AGBL1: variants seen among roughly 807,000 people sequenced by gnomAD.
AGBL1 encodes the protein AGBL carboxypeptidase 1, also known as cytosolic carboxypeptidase 4.
A neutral mutation model predicts 118.9 loss-of-function variants in AGBL1; 130 were observed. The ratio of observed to expected loss-of-function variants is 1.09; its 90% CI spans 0.95 to 1.26. The LOEUF (loss-of-function observed/expected upper bound fraction) is 1.26. AGBL1 is among the 50% of genes most tolerant of loss of function. The pLI is 0.00. For synonymous variants in AGBL1, 555 were observed against 478.9 expected (o/e 1.16, Z -2.08); for missense variants, 1,584 against 1,298.1 (o/e 1.22, Z -3.38).
Position 86,909,390 on chromosome 15 carries a change from C to T in AGBL1, c.*2096C>T, listed in dbSNP as rs2080320784. 6.6e-6 allele frequency: 1 copy of T among 152,202 alleles called. No individual in the cohort carries two copies. The highest frequency in any genetic ancestry group is 2.4e-5 in the African/African-American group (1 of 41,444). 9.4% of individuals were successfully genotyped at this position (152,202 alleles called of 1,614,324 possible). A position where few individuals can be genotyped will look rare whatever the true frequency, so the allele number is the denominator to read the frequency against. On this transcript the variant is annotated 3_prime_UTR_variant, in exon 23 of 23. Transcript: ENST00000614907. Reference sequence around the variant, plus strand: ...TCTCAGATGACACTCATAGCACACACCTCTTGACCAGCAGAAAGCCACAGA... The same window carrying T: ...TCTCAGATGACACTCATAGCACACATCTCTTGACCAGCAGAAAGCCACAGA...
At chr15:86,442,824 G>C (rs2082080427) in intron 18 of AGBL1, among the ~76,000 whole-genome samples, 1 of 152,234 alleles carries the variant, frequency 6.6e-6, no homozygotes, top group South Asian at 2.1e-4. Context: ...ATGTGTTAGA[G>C]AAAGGTGAAG....
At chr15:86,138,348 C>A (rs2076917249) in intron 1 of AGBL1, 2 of 152,234 alleles carry the variant, frequency 1.3e-5, no homozygotes, top group Non-Finnish European at 2.9e-5. Flanking sequence ...TGAGAGGTTT[C>A]TCAAGAGTTA....
chr15:86,512,243 T>C (rs2083060629), intron 18 of AGBL1, among the ~76,000 whole-genome samples: 1 of 151,926 alleles, frequency 6.6e-6, no homozygotes. Flanking sequence ...AAATTGAAAA[T>C]GTCCATATCT....
chr15:86,430,489 C>CAA (rs556112771), intron 18 of AGBL1, among the ~76,000 whole-genome samples: 72 of 85,294 alleles, frequency 8.4e-4, no homozygotes, highest in Admixed American at 1.5e-3. Flanking sequence ...AGCGCCGTCG[C>CAA]AAAAAAAAAA....
chr15:86,262,844 G>C lies in AGBL1; in HGVS notation c.1036G>C (p.Glu346Gln). ...SKPGLDRPEE[E>Q]LMQYEVMCLE... The stretch of plus-strand genomic sequence containing the variant: ...ACCTGGTCTTGACCGACCTGAAGAG[G>C]AACTGATGCAATATGAGGTGATGTG... Residue 346 changes from glutamate (E) to glutamine (Q), a missense_variant, in exon 10 of 23, where the codon GAA becomes CAA. Transcript: ENST00000614907. 1 of 1,611,218 alleles carries C rather than the reference G, an allele frequency of 6.2e-7. No individual in the cohort carries two copies. Among genetic ancestry groups the C allele is most frequent in the Non-Finnish European group, 8.5e-7 (1 of 1,178,848 alleles).
intron 20 of AGBL1, among the ~76,000 whole-genome samples, chr15:86,547,887 G>T (rs949528390): frequency 3.9e-5 from 6 of 152,126 alleles, no homozygotes; most frequent in Non-Finnish European, 8.8e-5. Context: ...ATATGTGGAG[G>T]TAGTGAAGTG....
At chr15:86,935,017 AC>A (rs1198666261) in intron 23 of AGBL1, 2 of 152,180 alleles carry the variant, frequency 1.3e-5, no homozygotes, top group African/African-American at 4.8e-5. Context: ...AAATGTAAAA[AC>A]TATAAAATAA....
chr15:86,779,485 G>A (rs549819059), intron 22 of AGBL1, among the ~76,000 whole-genome samples: 2 of 152,218 alleles, frequency 1.3e-5, no homozygotes, highest in South Asian at 2.1e-4. Flanking sequence ...TTTCTAGTGG[G>A]GGACCATTAT....
downstream of AGBL1, among the ~76,000 whole-genome samples, chr15:86,916,321 A>G (rs1051548832): frequency 3.3e-5 from 5 of 152,222 alleles, no homozygotes; most frequent in Admixed American, 2.6e-4. Flanking sequence ...ACCAGCTCAC[A>G]GCAATTTTTT....
chr15:86,909,916 C>T lies in AGBL1; in HGVS notation c.*2622C>T, dbSNP rs1422055928. ...TGGCATGTTCAGAAAAAGCCAGGAACATGAAGTATTTGTTGATCCATCTAT... is the reference window on the plus strand; with the variant it reads ...TGGCATGTTCAGAAAAAGCCAGGAATATGAAGTATTTGTTGATCCATCTAT... On this transcript the variant is annotated 3_prime_UTR_variant, in exon 23 of 23. Transcript: ENST00000614907. 1 of 152,190 alleles carries T rather than the reference C, an allele frequency of 6.6e-6. No individual in the cohort carries two copies. Among genetic ancestry groups the T allele is most frequent in the Non-Finnish European group, 1.5e-5 (1 of 68,032 alleles). The allele number at this position is 152,190 out of a possible 1,614,324, so 9.4% of individuals were successfully genotyped here.
intron 18 of AGBL1, among the ~76,000 whole-genome samples, chr15:86,482,986 A>G (rs537813449): frequency 9.2e-5 from 14 of 152,072 alleles, no homozygotes; most frequent in Non-Finnish European, 1.8e-4. Context: ...GTCAGAAGCC[A>G]GAAACAGACA....
intron 17 of AGBL1, among the ~76,000 whole-genome samples, chr15:86,306,632 T>G (rs1324564418): frequency 6.6e-6 from 1 of 152,136 alleles, no homozygotes; most frequent in African/African-American, 2.4e-5. Flanking sequence ...AACATAGGAG[T>G]GCAAATATCT....
intron 23 of AGBL1, among the ~76,000 whole-genome samples, chr15:86,982,094 C>T (rs2081236762): frequency 6.6e-6 from 1 of 152,132 alleles, no homozygotes; most frequent in African/African-American, 2.4e-5. Context: ...CCAGGTACCT[C>T]ATGCTGATCA....
At chr15:86,312,005 T>C (rs1193508630) in intron 17 of AGBL1, 1 of 152,250 alleles carries the variant, frequency 6.6e-6, no homozygotes, top group Middle Eastern at 3.1e-3. Context: ...AGAACCCAGA[T>C]ATGAATCCTA....
At chr15:86,455,019 G>A (rs1260928602) in intron 18 of AGBL1, among the ~76,000 whole-genome samples, 6 of 152,144 alleles carry the variant, frequency 3.9e-5, no homozygotes, top group Non-Finnish European at 5.9e-5. Context: ...AGACACTGCT[G>A]ACCATTTACC....
chr15:86,112,367 G>A (rs992659464), intron 1 of AGBL1, among the ~76,000 whole-genome samples: 5 of 152,058 alleles, frequency 3.3e-5, no homozygotes, highest in Non-Finnish European at 7.4e-5. Flanking sequence ...AACAAAAAAC[G>A]ACATGCTACA....
intron 22 of AGBL1, among the ~76,000 whole-genome samples, chr15:86,830,371 T>TA (rs892437992): frequency 7.9e-5 from 12 of 151,748 alleles, no homozygotes; most frequent in Non-Finnish European, 1.2e-4. Context: ...TTATTTTTTT[T>TA]AAAAAAAACA....
intron 23 of AGBL1, among the ~76,000 whole-genome samples, chr15:86,981,905 C>T (rs958183032): frequency 2.0e-5 from 3 of 152,136 alleles, no homozygotes; most frequent in African/African-American, 7.2e-5. Flanking sequence ...AGAATGATTC[C>T]TCCTGGGACC....
At chr15:86,211,612 G>A (rs1162892178) in intron 5 of AGBL1, among the ~76,000 whole-genome samples, 3 of 152,236 alleles carry the variant, frequency 2.0e-5, no homozygotes, top group Non-Finnish European at 2.9e-5. Context: ...TGCTAGCAGT[G>A]AGCAAGGATC....
Sources: allele counts gnomAD v4.1 joint callset (sites outside exome capture counted in the v4.1 genomes callset), GRCh38; gene constraint gnomAD v4.1.1; transcripts MANE v1.5; gene names NCBI Gene and HGNC (gene_info 2026-07-23, HGNC 2026-07-21).